FAM180A: variants seen among roughly 807,000 people sequenced by gnomAD.
FAM180A encodes protein FAM180A.
In FAM180A, 14 loss-of-function variants were observed where a neutral mutation model predicts 15.3. That is an observed-to-expected ratio of 0.92 (90% CI 0.61 to 1.43). FAM180A has a LOEUF of 1.43. Among genes scored for constraint, FAM180A ranks in the 40% most tolerant of loss-of-function variants. The probability of loss-of-function intolerance (pLI) is 0.00; values close to 1 mark genes in which losing one functional copy is unlikely to be tolerated. For missense variants in FAM180A, 200 were observed against 220.8 expected (o/e 0.91, Z 0.60); for synonymous variants, 90 against 96.8 (o/e 0.93, Z 0.41).
chr7:135,748,457 G>T, intron 1 of FAM180A, 48 bp downstream of exon 1: 2 of 1,495,268 alleles, frequency 1.3e-6, no homozygotes, highest in Non-Finnish European at 1.9e-6. Flanking sequence ...TTGCATTGAA[G>T]AAAGTATAAT....
chr7:135,737,308 C>T, intron 1 of FAM180A, 109 bp from the exon 2 acceptor site: 1 of 833,774 alleles, frequency 1.2e-6, no homozygotes, highest in Non-Finnish European at 1.8e-6. Context: ...CTGACTTGGC[C>T]AGGCACGGTG....
chr7:135,735,777 A>G (rs1320820031), intron 2 of FAM180A, among the ~76,000 whole-genome samples: 4 of 152,130 alleles, frequency 2.6e-5, no homozygotes, highest in African/African-American at 9.7e-5. Flanking sequence ...ATCTGAGATC[A>G]CTGCAACCTC....
chr7:135,747,423 A>T (rs1797046287), intron 1 of FAM180A, among the ~76,000 whole-genome samples: 1 of 152,190 alleles, frequency 6.6e-6, no homozygotes, highest in East Asian at 1.9e-4. Context: ...GCTCAGCTCA[A>T]AAGACTTATA....
In FAM180A at chr7:135,734,160, T is replaced by C. The variant is rs145089169; in HGVS notation, c.337A>G (p.Ser113Gly). The change falls in exon 3 of 4, where the codon AGC becomes GGC. Residue 113 changes from serine (S) to glycine (G), a missense_variant. Physicochemically the swap from Ser to Gly is moderately conservative, Grantham distance 56. Coordinates refer to ENST00000338588, the MANE Select transcript of FAM180A (RefSeq NM_205855.4). ...DIRRLSASLSSHPGILKKEDF... is the reference protein window; with the variant it reads ...DIRRLSASLSGHPGILKKEDF... Reference sequence around the variant, plus strand: ...TCTTTCTTGAGGATGCCAGGGTGGCTGGAGAGGCTGGCGCTGAGCCGGCGG... The same window carrying C: ...TCTTTCTTGAGGATGCCAGGGTGGCCGGAGAGGCTGGCGCTGAGCCGGCGG... 1.9e-6 allele frequency: 3 copies of C among 1,614,186 alleles called. No homozygotes were observed. Among genetic ancestry groups the C allele is most frequent in the Non-Finnish European group, 2.5e-6 (3 of 1,180,036 alleles).
intron 2 of FAM180A, among the ~76,000 whole-genome samples, chr7:135,735,136 C>T (rs1796853583): frequency 6.6e-6 from 1 of 152,144 alleles, no homozygotes; most frequent in Admixed American, 6.5e-5. Flanking sequence ...CTCCTGACCT[C>T]AGATGATCCA....
chr7:135,738,890 C>A (rs1027092209), intron 1 of FAM180A, among the ~76,000 whole-genome samples: 2 of 152,204 alleles, frequency 1.3e-5, no homozygotes, highest in Non-Finnish European at 2.9e-5. Flanking sequence ...TTGGAGACTA[C>A]AAGGTGTTGG....
chr7:135,735,469 C>T (rs775951987), intron 2 of FAM180A, among the ~76,000 whole-genome samples: 1 of 152,130 alleles, frequency 6.6e-6, no homozygotes, highest in African/African-American at 2.4e-5. Context: ...GTGCCAGGCT[C>T]ACAGTAGGGA....
intron 1 of FAM180A, among the ~76,000 whole-genome samples, chr7:135,739,731 AG>A (rs1796919858): frequency 6.6e-6 from 1 of 152,082 alleles, no homozygotes; most frequent in Admixed American, 6.6e-5. Context: ...TTTCCTGAAA[AG>A]CTCACTGGTA....
chr7:135,742,847 T>A (rs983290124), intron 1 of FAM180A, among the ~76,000 whole-genome samples: 1 of 152,218 alleles, frequency 6.6e-6, no homozygotes, highest in Non-Finnish European at 1.5e-5. Flanking sequence ...ATTTTATAGA[T>A]GAAGAAACTT....
chr7:135,741,091 C>T (rs1433268043), intron 1 of FAM180A, among the ~76,000 whole-genome samples: 1 of 152,178 alleles, frequency 6.6e-6, no homozygotes, highest in Non-Finnish European at 1.5e-5. Context: ...TATTTATGAT[C>T]TTAGACCTGG....
intron 1 of FAM180A, 37 bp downstream of exon 1, chr7:135,748,468 G>C: frequency 6.5e-7 from 1 of 1,538,924 alleles, no homozygotes. Context: ...AAAGTATAAT[G>C]AGCATCAAAC....
At chr7:135,747,431 A>G (rs761514342) in intron 1 of FAM180A, among the ~76,000 whole-genome samples, 14 of 152,178 alleles carry the variant, frequency 9.2e-5, no homozygotes, top group Non-Finnish European at 1.9e-4. Context: ...CAAAAGACTT[A>G]TATCCCTGTT....
Position 135,748,506 on chromosome 7 carries a change from C to G in FAM180A, c.75G>C (p.Arg25Ser), listed in dbSNP as rs751207935. 1 of 1,613,256 alleles carries G rather than the reference C, an allele frequency of 6.2e-7. No homozygotes were observed. Among genetic ancestry groups the G allele is most frequent in the East Asian group, 2.2e-5 (1 of 44,884 alleles). ...ACAAATGAATAAAAAGCAACTCACC[C>G]CTGCTCCACCTGTGGCACATAGAAG... Reference protein sequence around the residue: ...AEASMCHRWSRAVLFPAAHRP... With the variant: ...AEASMCHRWSSAVLFPAAHRP... The change falls in exon 1 of 4, where the codon AGG becomes AGC. Residue 25 changes from arginine to serine, a missense_variant and splice_region_variant. Arg to Ser is a moderately radical substitution (Grantham distance 110, BLOSUM62 -1). Transcript: ENST00000338588.
intron 3 of FAM180A, 123 bp downstream of exon 3, chr7:135,733,523 T>G (rs1250872489): frequency 4.9e-6 from 2 of 407,216 alleles, no homozygotes; most frequent in Non-Finnish European, 6.6e-6. Context: ...ATTTTTGTGA[T>G]TTTAGTAGAG....
At chr7:135,743,849 A>C (rs1796990960) in intron 1 of FAM180A, among the ~76,000 whole-genome samples, 1 of 152,154 alleles carries the variant, frequency 6.6e-6, no homozygotes. Flanking sequence ...GGAACACATT[A>C]CCTGCCCTGG....
chr7:135,739,564 A>G (rs7784737), intron 1 of FAM180A, among the ~76,000 whole-genome samples: 22,858 of 151,656 alleles, frequency 0.15, 3,213 homozygotes, highest in African/African-American at 0.38. Flanking sequence ...GTGAGCCAAG[A>G]TCGCGCCACT....
At chr7:135,744,408 G>A (rs551734800) in intron 1 of FAM180A, among the ~76,000 whole-genome samples, 135 of 152,336 alleles carry the variant, frequency 8.9e-4, no homozygotes, top group Non-Finnish European at 1.4e-3. Context: ...AAAGGACGGT[G>A]GGTGTGGAAA....
chr7:135,737,280 A>G, intron 1 of FAM180A, 81 bp from the exon 2 acceptor site: 1 of 1,162,128 alleles, frequency 8.6e-7, no homozygotes, highest in Non-Finnish European at 1.2e-6. Context: ...AAGGTAGTCA[A>G]GGAGTCTTAA....
At chr7:135,735,132 A>C (rs1584750429) in intron 2 of FAM180A, among the ~76,000 whole-genome samples, 1 of 152,002 alleles carries the variant, frequency 6.6e-6, no homozygotes, top group Non-Finnish European at 1.5e-5. Flanking sequence ...CGAACTCCTG[A>C]CCTCAGATGA....
Sources: gnomAD v4.1 joint callset for allele counts (sites outside exome capture counted in the v4.1 genomes callset) on GRCh38, gnomAD v4.1.1 for gene constraint, MANE v1.5 for transcripts, NCBI Gene and HGNC (gene_info 2026-07-23, HGNC 2026-07-21) for gene names.